The following IAH1 variants were observed in gnomAD, a reference collection of about 807,000 sequenced individuals.
IAH1 encodes isoamyl acetate-hydrolyzing esterase 1 homolog.
In IAH1, 24 loss-of-function variants were observed where a neutral mutation model predicts 26.7. The observed-to-expected ratio is 0.90, with a 90% CI of 0.65 to 1.26. The LOEUF is 1.26. IAH1 is among the 50% of genes most tolerant of loss of function. The pLI is 0.00. For missense variants in IAH1, 300 were observed against 299.9 expected (o/e 1.00, Z 0.00); for synonymous variants, 140 against 118.5 (o/e 1.18, Z -1.18).
At chr2:9,478,633 T>C (rs1285907962) in intron 3 of IAH1, among the ~76,000 whole-genome samples, 3 of 152,168 alleles carry the variant, frequency 2.0e-5, no homozygotes, top group Non-Finnish European at 4.4e-5. Context: ...TATGCTAAGT[T>C]TGTAATGTGT....
At chr2:9,509,445 A>G in the IAH1 span, among the ~76,000 whole-genome samples, 1 of 152,206 alleles carries the variant, frequency 6.6e-6, no homozygotes, top group African/African-American at 2.4e-5. Context: ...TTATTCAACA[A>G]ATATTTGTTA....
intron 1 of IAH1, chr2:9,475,045 A>C: frequency 8.8e-7 from 1 of 1,142,586 alleles, no homozygotes; most frequent in Non-Finnish European, 1.1e-6. Flanking sequence ...CCCCGCGGCC[A>C]GCTCCGGGCA....
chr2:9,481,948 A>G (rs539748019), intron 4 of IAH1, among the ~76,000 whole-genome samples: 2 of 152,248 alleles, frequency 1.3e-5, no homozygotes, highest in Admixed American at 1.3e-4. Context: ...ACCTCTGCAC[A>G]TAAGTGGACC....
rs566804757 is a variant in IAH1 at position 9,495,680 on chromosome 2, C to T, written c.*223-635C>T. 5.3e-5 allele frequency among the ~76,000 whole-genome samples: 8 copies of T among 150,810 alleles called. No homozygotes were observed. In the South Asian group the frequency reaches 1.7e-3, roughly 32 times the overall value. On this transcript the variant is annotated intron_variant, in intron 6 of 6. Transcript: ENST00000481367. Reference sequence around the variant, plus strand: ...GGTGACCTGAGATCGCGCCACTGCACTCCAGCCTGGGCGAGAGTGAGACTC... The same window carrying T: ...GGTGACCTGAGATCGCGCCACTGCATTCCAGCCTGGGCGAGAGTGAGACTC...
intron 3 of IAH1, among the ~76,000 whole-genome samples, chr2:9,479,793 T>G (rs200057839): frequency 2.3e-5 from 3 of 128,272 alleles, no homozygotes; most frequent in South Asian, 4.9e-4. Context: ...TTCTGTGTAT[T>G]GCTTTTTTTT....
At chr2:9,477,327 A>G (rs1660867342) in intron 2 of IAH1, among the ~76,000 whole-genome samples, 1 of 152,186 alleles carries the variant, frequency 6.6e-6, no homozygotes, top group African/African-American at 2.4e-5. Flanking sequence ...AAAATGAACC[A>G]TATTGATTTA....
the IAH1 span, chr2:9,502,291 C>T: frequency 1.3e-6 from 2 of 1,582,730 alleles, no homozygotes; most frequent in Non-Finnish European, 1.7e-6. Flanking sequence ...AGAAGAACAG[C>T]AGACAGGAAC....
chr2:9,501,369 A>G (rs1662993961), downstream of IAH1, among the ~76,000 whole-genome samples: 2 of 152,194 alleles, frequency 1.3e-5, no homozygotes, highest in African/African-American at 4.8e-5. Flanking sequence ...CAGGCAACCT[A>G]GCAGTGGTGC....
At position 9,478,229 on chromosome 2, in the gene IAH1, G is replaced by A; in HGVS notation, c.142G>A (p.Asp48Asn). 6.3e-7 allele frequency: 1 copy of A among 1,592,390 alleles called. No individual in the cohort carries two copies. The highest frequency in any genetic ancestry group is 8.5e-7 in the Non-Finnish European group (1 of 1,171,256). Reference protein sequence around the residue: ...SLADRLVRKCDVLNRGFSGYN... With the variant: ...SLADRLVRKCNVLNRGFSGYN... ...TAAAATTTTTCGTTTCAGAAAATGT[G>A]ATGTTCTGAATCGTGGATTTTCAGG... Residue 48 changes from aspartate (D) to asparagine (N), a missense_variant, in exon 3 of 6, where the codon GAT becomes AAT. Physicochemically the swap from Asp to Asn is conservative, Grantham distance 23. Coordinates refer to ENST00000497473, the MANE Select transcript of IAH1 (RefSeq NM_001039613.3).
the IAH1 span, chr2:9,505,023 G>C: frequency 2.2e-6 from 2 of 929,326 alleles, no homozygotes; most frequent in Non-Finnish European, 3.2e-6. Context: ...ATTTCTTGCT[G>C]TGAAGGGCAA....
At chr2:9,483,003 G>A (rs1661272691) in intron 4 of IAH1, among the ~76,000 whole-genome samples, 1 of 152,170 alleles carries the variant, frequency 6.6e-6, no homozygotes, top group African/African-American at 2.4e-5. Flanking sequence ...TGCTTTGGGG[G>A]GCAGTGTCAT....
the IAH1 span, among the ~76,000 whole-genome samples, chr2:9,502,485 C>A: frequency 6.6e-6 from 1 of 152,092 alleles, no homozygotes; most frequent in South Asian, 2.1e-4. Flanking sequence ...CACATAAATG[C>A]CACACTATAG....
intron 5 of IAH1, among the ~76,000 whole-genome samples, chr2:9,487,888 CAG>C (rs1188557328): frequency 6.6e-6 from 1 of 151,592 alleles, no homozygotes; most frequent in African/African-American, 2.4e-5. Flanking sequence ...GGCTGGAACT[CAG>C]TGGTGCAATG....
chr2:9,492,119 G>A (rs1662205733), downstream of IAH1, among the ~76,000 whole-genome samples: 2 of 152,184 alleles, frequency 1.3e-5, no homozygotes, highest in African/African-American at 4.8e-5. Context: ...GAGGCAGTAG[G>A]AAAAACTCCT....
chr2:9,475,056 G>T, intron 1 of IAH1: 1 of 1,175,330 alleles, frequency 8.5e-7, no homozygotes, highest in South Asian at 1.6e-5. Flanking sequence ...GCTCCGGGCA[G>T]AGGCGCCAGG....
In IAH1 at chr2:9,474,858, G is replaced by A; in HGVS notation, c.81+211G>A. The A allele has an allele frequency of 1.9e-6, 1 of 523,802 alleles. No individual in the cohort carries two copies. The highest frequency in any genetic ancestry group is 2.9e-6 in the Non-Finnish European group (1 of 343,244). The allele number at this position is 523,802 out of a possible 1,614,324, so 32.4% of individuals were successfully genotyped here. A position where few individuals can be genotyped will look rare whatever the true frequency, so the allele number is the denominator to read the frequency against. Reference sequence around the variant, plus strand: ...TCCCGGAGGTCACGACGGCGTCCGCGAGAGCCCGGGCTCCAGGCACAGACG... The same window carrying A: ...TCCCGGAGGTCACGACGGCGTCCGCAAGAGCCCGGGCTCCAGGCACAGACG... On this transcript the variant is annotated intron_variant, in intron 1 of 5. Transcript: ENST00000497473. This position sits in a 1 kb window ranked among gnomAD's most constrained non-coding sequence, Gnocchi z 4.3.
At chr2:9,497,339 G>C (rs1662692127), downstream of IAH1, 1 of 1,529,866 alleles carries the variant, frequency 6.5e-7, no homozygotes, top group South Asian at 1.3e-5. Context: ...ATACAAGTGA[G>C]CATCTTACCT....
the IAH1 span, chr2:9,510,154 C>T: frequency 7.4e-6 from 12 of 1,613,060 alleles, no homozygotes; most frequent in African/African-American, 1.3e-5. Context: ...GCAAAGAAAA[C>T]ATTATTTCTC....
At chr2:9,492,804 C>T, downstream of IAH1, 1 of 1,095,382 alleles carries the variant, frequency 9.1e-7, no homozygotes, top group South Asian at 1.9e-5. Flanking sequence ...CCAAACTTTG[C>T]TAAGAACAAG....
Sources: allele counts gnomAD v4.1 joint callset (sites outside exome capture counted in the v4.1 genomes callset), GRCh38; gene constraint gnomAD v4.1.1; non-coding constraint Gnocchi (gnomAD v3.1); transcripts MANE v1.5; gene names NCBI Gene and HGNC (gene_info 2026-07-23, HGNC 2026-07-21).